The following MICALL1 variants were observed in gnomAD, a reference collection of about 807,000 sequenced individuals.
MICALL1 encodes MICAL like 1.
In MICALL1, 61 loss-of-function variants were observed where a neutral mutation model predicts 83.7. That is an observed-to-expected ratio of 0.73 (90% CI 0.59 to 0.90). MICALL1 has a LOEUF of 0.90. Among genes scored for constraint, MICALL1 ranks in the 40% least tolerant of loss-of-function variants. The probability of loss-of-function intolerance (pLI) is 0.00; values close to 1 mark genes in which losing one functional copy is unlikely to be tolerated. For synonymous variants in MICALL1, 481 were observed against 473.6 expected, an observed-to-expected ratio of 1.02 and a Z score of -0.20; for missense variants, 1,066 against 1,152.0, an observed-to-expected ratio of 0.93 and a Z score of 1.08.
chr22:37,919,540 G>A (rs1928890454), intron 5 of MICALL1, among the ~76,000 whole-genome samples: 1 of 149,844 alleles, frequency 6.7e-6, no homozygotes, highest in Non-Finnish European at 1.5e-5. Context: ...AGAGGCTGAG[G>A]CAGGAGAATC....
chr22:37,938,961 G>C (rs1930287443), intron 15 of MICALL1, among the ~76,000 whole-genome samples: 2 of 152,078 alleles, frequency 1.3e-5, no homozygotes, highest in African/African-American at 4.8e-5. Flanking sequence ...TCATCATGTT[G>C]ACCAGGCTGG....
At chr22:37,915,871 T>C (rs1031426360) in intron 3 of MICALL1, among the ~76,000 whole-genome samples, 6 of 152,166 alleles carry the variant, frequency 3.9e-5, no homozygotes. Flanking sequence ...GGTCTGGGAT[T>C]TCTGACCTCA....
In MICALL1 at chr22:37,925,698, C is replaced by T; in HGVS notation, c.1120C>T (p.Leu374=). The change falls in exon 8 of 16, where the codon CTG becomes TTG. Residue 374 remains leucine (L), a synonymous_variant. Coordinates refer to ENST00000215957, the MANE Select transcript of MICALL1 (RefSeq NM_033386.4). ...CAGGAAGGACCCCCCATGGATCACG[C>T]TGGTGCAGGCAGAACCAAAGAAGAA... ...APRKDPPWIT[L]VQAEPKKKPA... 1 of 1,610,312 alleles carries T rather than the reference C, an allele frequency of 6.2e-7. No individual in the cohort carries two copies. The highest frequency in any genetic ancestry group is 8.5e-7 in the Non-Finnish European group (1 of 1,179,208).
intron 1 of MICALL1, 101 bp from the exon 2 acceptor site, chr22:37,911,851 G>A (rs1928341130): frequency 2.6e-6 from 3 of 1,172,730 alleles, no homozygotes; most frequent in Non-Finnish European, 2.6e-6. Flanking sequence ...TGCTGGCTGG[G>A]ACAAGGTCTT....
At position 37,932,171 on chromosome 22, in the gene MICALL1, A is replaced by T. The variant is rs1929824814; in HGVS notation, c.2016+238A>T. On this transcript the variant is annotated intron_variant, in intron 10 of 15. Transcript: ENST00000215957. This position sits in a 1 kb window ranked among gnomAD's most constrained non-coding sequence, Gnocchi z 4.4. The stretch of plus-strand genomic sequence containing the variant: ...GGGTGGTGCATTTAATTTGTTACTA[A>T]CAAGTTCAAGTATCAAGCACTCATG... Among the ~76,000 whole-genome samples, 1 of 152,242 alleles carries T rather than the reference A, an allele frequency of 6.6e-6. No individual in the cohort carries two copies. The highest frequency in any genetic ancestry group is 1.5e-5 in the Non-Finnish European group (1 of 68,036).
chr22:37,913,715 A>G (rs975799199), intron 3 of MICALL1, among the ~76,000 whole-genome samples: 3 of 152,248 alleles, frequency 2.0e-5, no homozygotes, highest in East Asian at 3.9e-4. Context: ...AGGGGAAGCA[A>G]GGAGCTCAAG....
chr22:37,928,737 C>A (rs1047189747), intron 9 of MICALL1, among the ~76,000 whole-genome samples: 1 of 152,160 alleles, frequency 6.6e-6, no homozygotes, highest in Non-Finnish European at 1.5e-5. Context: ...TATTTGGGTT[C>A]CACTCACCAG....
In MICALL1 at chr22:37,919,008, C is replaced by A. The variant is rs184924542; in HGVS notation, c.427-28C>A. 3.1e-4 allele frequency: 480 copies of A among 1,526,566 alleles called. 2 individuals carry two copies. The East Asian group carries it at 0.01, about 33-fold the overall frequency. The allele number at this position is 1,526,566 out of a possible 1,614,324, so 94.6% of individuals were successfully genotyped here. ...GATGGCTGGTGACCATGTCCTGCTC[C>A]CAACCTCCCCCACCTCGTTCTCTGC... is the stretch of plus-strand genomic sequence containing the variant. On this transcript the variant is annotated intron_variant, in intron 4 of 15. Transcript: ENST00000215957.
Position 37,930,508 on chromosome 22 carries a change from C to T in MICALL1, c.1882-1291C>T, listed in dbSNP as rs1011097719. Among the ~76,000 whole-genome samples, 3 of 152,338 alleles carry T rather than the reference C, an allele frequency of 2.0e-5. No individual in the cohort carries two copies. The highest frequency in any genetic ancestry group is 3.9e-4 in the East Asian group (2 of 5,186). ...AGGCCTCCACCTGCTCCGCAGCTGC[C>T]GAGGGAAAGCTGGGTCAGTGCTTCT... On this transcript the variant is annotated intron_variant, in intron 9 of 15. Transcript: ENST00000215957. This position sits in a 1 kb window ranked among gnomAD's most constrained non-coding sequence, Gnocchi z 4.8.
chr22:37,907,002 C>G (rs1928004550), intron 1 of MICALL1: 1 of 153,000 alleles, frequency 6.5e-6, no homozygotes, highest in Admixed American at 6.5e-5. Context: ...TCGGGGTGGC[C>G]CCTTGCTCCG....
At chr22:37,908,857 G>A (rs1426388979) in intron 1 of MICALL1, among the ~76,000 whole-genome samples, 1 of 152,124 alleles carries the variant, frequency 6.6e-6, no homozygotes, top group Non-Finnish European at 1.5e-5. Context: ...GAGGGCTGCT[G>A]GGTGGACGTT....
At chr22:37,937,418 CTTT>C (rs34844677) in intron 14 of MICALL1, among the ~76,000 whole-genome samples, 1 of 113,416 alleles carries the variant, frequency 8.8e-6, no homozygotes, top group Admixed American at 1.0e-4. Context: ...GCTGCCGCTG[CTTT>C]TTTTTTTTTT....
At position 37,927,721 on chromosome 22, in the gene MICALL1, G is replaced by C; in HGVS notation, c.1776G>C (p.Gln592His). The C allele has an allele frequency of 6.2e-7, 1 of 1,614,032 alleles. No individual in the cohort carries two copies. The highest frequency in any genetic ancestry group is 1.6e-4 in the Middle Eastern group (1 of 6,062). Reference sequence around the variant, plus strand: ...GGACCAGGGGCAGCTCAGGTCCCCAGCCAGCCAAGCCCTGCAGTGGCGCCA... The same window carrying C: ...GGACCAGGGGCAGCTCAGGTCCCCACCCAGCCAAGCCCTGCAGTGGCGCCA... ...APRTRGSSGP[Q>H]PAKPCSGATP... is the part of the protein sequence containing the mutation. Residue 592 changes from glutamine (Q) to histidine (H), a missense_variant, in exon 9 of 16, where the codon CAG (glutamine) becomes CAC (histidine). Coordinates refer to ENST00000215957, the MANE Select transcript of MICALL1 (RefSeq NM_033386.4).
Position 37,924,563 on chromosome 22 carries a change from C to A in MICALL1, c.1025-97C>A. 3.3e-6 allele frequency: 4 copies of A among 1,216,396 alleles called. No homozygotes were observed. The highest frequency in any genetic ancestry group is 1.4e-5 in the South Asian group (1 of 72,860). The allele number at this position is 1,216,396 out of a possible 1,614,324, so 75.4% of individuals were successfully genotyped here. A position where few individuals can be genotyped will look rare whatever the true frequency, so the allele number is the denominator to read the frequency against. The stretch of plus-strand genomic sequence containing the variant: ...AGGTGCGAGGGTGCCAGGAGGAAGG[C>A]GGGGCGCTCCTGGGGAGGCAGGTGC... On this transcript the variant is annotated intron_variant, in intron 6 of 15. Coordinates refer to ENST00000215957, the MANE Select transcript of MICALL1 (RefSeq NM_033386.4). The surrounding 1 kb of genome is among the most constrained non-coding windows in gnomAD (Gnocchi z 5.2).
chr22:37,935,990 A>G (rs1930100735), intron 13 of MICALL1, among the ~76,000 whole-genome samples: 1 of 152,082 alleles, frequency 6.6e-6, no homozygotes, highest in Non-Finnish European at 1.5e-5. Context: ...CGGCCTCCCA[A>G]AGTGCTGGGA....
At chr22:37,914,328 G>C (rs928883894) in intron 3 of MICALL1, among the ~76,000 whole-genome samples, 1 of 151,572 alleles carries the variant, frequency 6.6e-6, no homozygotes, top group Non-Finnish European at 1.5e-5. Context: ...CCGGGTTCAA[G>C]CGATTCTCCT....
At chr22:37,913,359 C>G (rs1417016271) in intron 3 of MICALL1, among the ~76,000 whole-genome samples, 1 of 152,150 alleles carries the variant, frequency 6.6e-6, no homozygotes, top group Non-Finnish European at 1.5e-5. Context: ...AGATAGACAC[C>G]AAACACACCC....
chr22:37,929,410 G>A (rs1929668428), intron 9 of MICALL1, among the ~76,000 whole-genome samples: 1 of 152,182 alleles, frequency 6.6e-6, no homozygotes, highest in African/African-American at 2.4e-5. Context: ...TGCTGTGTGT[G>A]GAGTTTGTAG....
chr22:37,909,981 T>C (rs1711616330), intron 1 of MICALL1, among the ~76,000 whole-genome samples: 1 of 152,210 alleles, frequency 6.6e-6, no homozygotes, highest in African/African-American at 2.4e-5. Context: ...ACGAGGGTTG[T>C]GGGGGCTGGG....
Sources: allele counts gnomAD v4.1 joint callset (sites outside exome capture counted in the v4.1 genomes callset), GRCh38; gene constraint gnomAD v4.1.1; non-coding constraint Gnocchi (gnomAD v3.1); transcripts MANE v1.5; gene names NCBI Gene and HGNC (gene_info 2026-07-23, HGNC 2026-07-21).